Variants in GAS7 observed in about 807,000 individuals in gnomAD.
GAS7 encodes growth arrest-specific protein 7.
GAS7 carries 28 observed loss-of-function variants against 71.1 expected under a neutral mutation model. The ratio of observed to expected loss-of-function variants is 0.39; its 90% CI spans 0.29 to 0.54. The LOEUF is 0.54. GAS7 is among the 20% of genes least tolerant of loss of function. The pLI is 0.62. For synonymous variants in GAS7, 258 were observed against 245.8 expected, an observed-to-expected ratio of 1.05 and a Z score of -0.46; for missense variants, 436 against 627.8, an observed-to-expected ratio of 0.69 and a Z score of 3.27.
Position 9,969,180 on chromosome 17 carries a change from G to A in GAS7, c.471+497C>T, listed in dbSNP as rs985821643. ...TTGCATAAACATCAAGTAGGATGGA[G>A]ACTGAGAAAACAGTTTGGAAATCGT... On this transcript the variant is annotated intron_variant, in intron 4 of 13. Coordinates refer to ENST00000432992, the MANE Select transcript of GAS7 (RefSeq NM_201433.2). The surrounding 1 kb of genome is among the most constrained non-coding windows in gnomAD (Gnocchi z 5.5). Among the ~76,000 whole-genome samples the A allele has an allele frequency of 2.6e-5, 4 of 152,178 alleles. No individual in the cohort carries two copies. Among genetic ancestry groups the A allele is most frequent in the East Asian group, 1.9e-4 (1 of 5,202 alleles).
chr17:10,122,938 C>A (rs2073916386), intron 1 of GAS7, among the ~76,000 whole-genome samples: 1 of 152,064 alleles, frequency 6.6e-6, no homozygotes, highest in Non-Finnish European at 1.5e-5. Context: ...TCTGAGCAAT[C>A]CTCCCACCTC....
chr17:9,988,802 C>T (rs1376879683), intron 2 of GAS7, among the ~76,000 whole-genome samples: 1 of 152,124 alleles, frequency 6.6e-6, no homozygotes, highest in Non-Finnish European at 1.5e-5. Flanking sequence ...CATCTGGCAT[C>T]CCCTTCAGCG....
At chr17:9,929,885 G>A (rs1442391806) in intron 9 of GAS7, among the ~76,000 whole-genome samples, 7 of 151,822 alleles carry the variant, frequency 4.6e-5, no homozygotes, top group Non-Finnish European at 8.8e-5. Flanking sequence ...CCAGGAATCA[G>A]AAGTCCTTCC....
intron 1 of GAS7, among the ~76,000 whole-genome samples, chr17:10,024,160 T>C (rs1230620845): frequency 6.6e-6 from 1 of 152,084 alleles, no homozygotes; most frequent in Non-Finnish European, 1.5e-5. Flanking sequence ...AAAAAACTTT[T>C]TTCTGCCTTC....
intron 10 of GAS7, 106 bp from the exon 11 acceptor site, chr17:9,925,705 T>G (rs1046888141): frequency 6.0e-5 from 75 of 1,247,742 alleles, no homozygotes; most frequent in Non-Finnish European, 7.1e-5. Context: ...CCCTTGTTTG[T>G]GTGGATGATG....
chr17:9,920,716 C>T (rs983265890), intron 11 of GAS7, among the ~76,000 whole-genome samples: 5 of 152,220 alleles, frequency 3.3e-5, no homozygotes, highest in Non-Finnish European at 5.9e-5. Context: ...TTTGTCTCAG[C>T]GTAGCTTCCT....
At position 10,026,692 on chromosome 17, in the gene GAS7, C is replaced by T. The variant is rs1597719310; in HGVS notation, c.184-6795G>A. On this transcript the variant is annotated intron_variant, in intron 1 of 13. Coordinates refer to ENST00000432992, the MANE Select transcript of GAS7 (RefSeq NM_201433.2). The surrounding 1 kb of genome is among the most constrained non-coding windows in gnomAD (Gnocchi z 4.5). Reference sequence around the variant, plus strand: ...CCAGGAAGATCAAGACCCAGCAGGGCTGGAGACTGGCAATTCACTCCCACG... The same window carrying T: ...CCAGGAAGATCAAGACCCAGCAGGGTTGGAGACTGGCAATTCACTCCCACG... Among the ~76,000 whole-genome samples, 6 of 152,338 alleles carry T rather than the reference C, an allele frequency of 3.9e-5. 1 individual carries two copies. The highest frequency in any genetic ancestry group is 3.9e-4 in the Admixed American group (6 of 15,306).
chr17:10,165,419 C>A (rs1013795383), intron 1 of GAS7, among the ~76,000 whole-genome samples: 5 of 152,118 alleles, frequency 3.3e-5, no homozygotes, highest in African/African-American at 1.2e-4. Flanking sequence ...GCTATGGGAG[C>A]TTTTGTTTCA....
At chr17:10,018,378 G>A (rs2072123325) in intron 2 of GAS7, among the ~76,000 whole-genome samples, 1 of 152,134 alleles carries the variant, frequency 6.6e-6, no homozygotes, top group Non-Finnish European at 1.5e-5. Context: ...CTAGCAACCT[G>A]ACCTTCCAAT....
chr17:9,978,106 C>A (rs2070276748), intron 3 of GAS7, among the ~76,000 whole-genome samples: 1 of 151,914 alleles, frequency 6.6e-6, no homozygotes, highest in Admixed American at 6.6e-5. Context: ...CCCAATTAAT[C>A]GGGAGGCTGA....
At chr17:10,186,127 ATT>A (rs71139024) in intron 1 of GAS7, among the ~76,000 whole-genome samples, 19 of 146,066 alleles carry the variant, frequency 1.3e-4, no homozygotes, top group Admixed American at 2.7e-4. Context: ...AATTTTTTGT[ATT>A]TTTTTTTTTA....
chr17:10,135,596 T>C (rs2074031667), intron 1 of GAS7, among the ~76,000 whole-genome samples: 1 of 152,222 alleles, frequency 6.6e-6, no homozygotes, highest in Non-Finnish European at 1.5e-5. Flanking sequence ...ATGTTGTTTT[T>C]AATGTGTGGT....
intron 1 of GAS7, among the ~76,000 whole-genome samples, chr17:10,151,188 A>T (rs144821844): frequency 6.6e-6 from 1 of 151,976 alleles, no homozygotes; most frequent in African/African-American, 2.4e-5. Flanking sequence ...ATTTTTTTTT[A>T]GAGATGGGGT....
intron 11 of GAS7, among the ~76,000 whole-genome samples, chr17:9,920,007 GTGT>G (rs1802130642): frequency 6.9e-6 from 1 of 144,698 alleles, no homozygotes. Flanking sequence ...GTGTGTGTGT[GTGT>G]GTGTGTCTAG....
chr17:10,096,049 G>A (rs926173419), intron 1 of GAS7, among the ~76,000 whole-genome samples: 1 of 152,084 alleles, frequency 6.6e-6, no homozygotes, highest in Admixed American at 6.6e-5. Context: ...TCTCTTGCCA[G>A]GTTCATCTGC....
In GAS7 at chr17:10,103,759, G is replaced by A. The variant is rs2073730700; in HGVS notation, c.184-83862C>T. Among the ~76,000 whole-genome samples, 1 of 151,734 alleles carries A rather than the reference G, an allele frequency of 6.6e-6. No individual in the cohort carries two copies. Among genetic ancestry groups the A allele is most frequent in the Non-Finnish European group, 1.5e-5 (1 of 67,942 alleles). On this transcript the variant is annotated intron_variant, in intron 1 of 13. Transcript: ENST00000432992. This position sits in a 1 kb window ranked among gnomAD's most constrained non-coding sequence, Gnocchi z 5.5. Reference sequence around the variant, plus strand: ...GAGAACTGCTTGAACCTGGGAGGCAGAGGTTGCAGTGAGCCAAGATCTCAC... The same window carrying A: ...GAGAACTGCTTGAACCTGGGAGGCAAAGGTTGCAGTGAGCCAAGATCTCAC...
intron 1 of GAS7, among the ~76,000 whole-genome samples, chr17:10,178,839 G>A (rs1597837805): frequency 6.6e-6 from 1 of 150,540 alleles, no homozygotes; most frequent in African/African-American, 2.4e-5. Context: ...ACAGCGGAGG[G>A]CTTTTCTTTG....
At chr17:10,132,251 C>T (rs1165046745) in intron 1 of GAS7, among the ~76,000 whole-genome samples, 1 of 152,180 alleles carries the variant, frequency 6.6e-6, no homozygotes, top group East Asian at 1.9e-4. Flanking sequence ...TAACTAAATA[C>T]TTCTTATTCA....
At chr17:10,059,775 G>A (rs1238298766) in intron 1 of GAS7, 2 of 984,696 alleles carry the variant, frequency 2.0e-6, no homozygotes, top group Non-Finnish European at 2.4e-6. Context: ...CTTCCCCGTG[G>A]CATCGGCTAA....
Sources: gnomAD v4.1 joint callset for allele counts (sites outside exome capture counted in the v4.1 genomes callset) on GRCh38, gnomAD v4.1.1 for gene constraint, Gnocchi (gnomAD v3.1) non-coding constraint, MANE v1.5 for transcripts, NCBI Gene and HGNC (gene_info 2026-07-23, HGNC 2026-07-21) for gene names.